Variants in HSD17B11 observed in about 807,000 individuals in gnomAD.
HSD17B11 encodes the protein estradiol 17-beta-dehydrogenase 11.
Under a neutral mutation model 27.8 loss-of-function variants are expected in HSD17B11, and 22 were observed. The observed-to-expected ratio is 0.79, with a 90% CI of 0.56 to 1.13. The LOEUF is 1.13. Among genes scored for constraint, HSD17B11 ranks in the 50% most tolerant of loss-of-function variants. The pLI, the probability that HSD17B11 is intolerant of heterozygous loss-of-function variation, is 0.00. For missense variants in HSD17B11, 314 were observed against 351.1 expected (o/e 0.89, Z 0.84); for synonymous variants, 117 against 132.8 (o/e 0.88, Z 0.82).
At chr4:87,371,979 A>T (rs986360140) in intron 4 of HSD17B11, among the ~76,000 whole-genome samples, 2 of 152,192 alleles carry the variant, frequency 1.3e-5, no homozygotes, top group Non-Finnish European at 2.9e-5. Context: ...GAGGTGGCTT[A>T]CACCTGTAAT....
intron 1 of HSD17B11, among the ~76,000 whole-genome samples, chr4:87,383,149 G>A (rs1720217480): frequency 6.6e-6 from 1 of 152,148 alleles, no homozygotes; most frequent in African/African-American, 2.4e-5. Flanking sequence ...TGACAGATAG[G>A]AGATTGGTCT....
chr4:87,385,356 T>C (rs1450166294), intron 1 of HSD17B11, among the ~76,000 whole-genome samples: 1 of 152,128 alleles, frequency 6.6e-6, no homozygotes, highest in Non-Finnish European at 1.5e-5. Flanking sequence ...TGTACTTATA[T>C]GCAGTACCCA....
Position 87,390,797 on chromosome 4 carries a change from G to A in HSD17B11, c.210+64C>T, listed in dbSNP as rs368136162. 9 of 1,466,894 alleles carry A rather than the reference G, an allele frequency of 6.1e-6. No homozygotes were observed. In the East Asian group the frequency reaches 1.8e-4, roughly 30 times the overall value. The allele number at this position is 1,466,894 out of a possible 1,614,324, so 90.9% of individuals were successfully genotyped here. ...GAGATGAGGTAAAGGGTGGTTGCCA[G>A]CAAAATGCAGACACATCCACAAATT... On this transcript the variant is annotated intron_variant, in intron 1 of 6. Transcript: ENST00000358290.
At position 87,372,691 on chromosome 4, in the gene HSD17B11, A is replaced by C. The variant is rs201766591; in HGVS notation, c.557+18T>G. The C allele has an allele frequency of 6.8e-7, 1 of 1,472,546 alleles. No individual in the cohort carries two copies. Among genetic ancestry groups the C allele is most frequent in the East Asian group, 2.3e-5 (1 of 44,346 alleles). 91.2% of individuals were successfully genotyped at this position (1,472,546 alleles called of 1,614,324 possible). ...AGGTAGGCATAAGAACCAATGAAGG[A>C]AACACATGTTCACATACCAGTAAGC... is the stretch of plus-strand genomic sequence containing the variant. On this transcript the variant is annotated intron_variant, in intron 4 of 6. Transcript: ENST00000358290.
chr4:87,337,358 G>T lies in HSD17B11; in HGVS notation c.821C>A (p.Pro274His), dbSNP rs372106029. ...AFLTTLERIL[P>H]ERFLAVLKRK... ...TTTTAAAACTGCCAGGAAACGCTCA[G>T]GAAGGATCCTAAAAGAAAGATATAT... Residue 274 changes from proline to histidine, a missense_variant, in exon 7 of 7, where the codon CCT becomes CAT. Pro to His is a moderately conservative substitution (Grantham distance 77, BLOSUM62 -2). Transcript: ENST00000358290. The T allele has an allele frequency of 6.4e-7, 1 of 1,566,024 alleles. No individual in the cohort carries two copies. The highest frequency in any genetic ancestry group is 2.2e-5 in the East Asian group (1 of 44,526).
intron 3 of HSD17B11, among the ~76,000 whole-genome samples, chr4:87,373,850 C>T (rs963941520): frequency 6.6e-6 from 1 of 152,148 alleles, no homozygotes; most frequent in Non-Finnish European, 1.5e-5. Flanking sequence ...TTAGTCATCC[C>T]AAACTCACAT....
chr4:87,390,684 G>C (rs1297718068), intron 1 of HSD17B11, among the ~76,000 whole-genome samples, 177 bp downstream of exon 1: 2 of 152,144 alleles, frequency 1.3e-5, no homozygotes, highest in Non-Finnish European at 2.9e-5. Flanking sequence ...CTCTAGGTCT[G>C]TTTATCATGT....
chr4:87,378,948 T>A (rs58286400), intron 2 of HSD17B11, among the ~76,000 whole-genome samples: 793 of 15,230 alleles, frequency 0.052, 38 homozygotes, highest in African/African-American at 0.1. Flanking sequence ...ATATATATAT[T>A]TATATATATA....
At chr4:87,360,792 T>C (rs1358306186) in intron 4 of HSD17B11, among the ~76,000 whole-genome samples, 1 of 152,176 alleles carries the variant, frequency 6.6e-6, no homozygotes, top group African/African-American at 2.4e-5. Flanking sequence ...TCCTTGCAAC[T>C]GAAAGAGTGA....
At chr4:87,343,302 C>A (rs1193768514) in intron 5 of HSD17B11, among the ~76,000 whole-genome samples, 1 of 152,110 alleles carries the variant, frequency 6.6e-6, no homozygotes. Flanking sequence ...TATGTGGAAA[C>A]ATTTTTTTTC....
At chr4:87,358,542 G>A (rs1404199683) in intron 4 of HSD17B11, among the ~76,000 whole-genome samples, 1 of 152,034 alleles carries the variant, frequency 6.6e-6, no homozygotes, top group Non-Finnish European at 1.5e-5. Flanking sequence ...GTCACACAAA[G>A]CATTCACTTA....
intron 5 of HSD17B11, among the ~76,000 whole-genome samples, chr4:87,356,659 T>C (rs143261382): frequency 1.6e-4 from 25 of 152,334 alleles, no homozygotes; most frequent in African/African-American, 5.3e-4. Flanking sequence ...AACAAATAAG[T>C]ATGCATCATG....
chr4:87,378,845 A>AATATATATAAAT (rs1720005446), intron 2 of HSD17B11, among the ~76,000 whole-genome samples: 16 of 18,116 alleles, frequency 8.8e-4, no homozygotes, highest in African/African-American at 4.7e-3. Context: ...TATATATATA[A>AATATATATAAAT]ATATATATAT....
intron 2 of HSD17B11, 39 bp from the exon 3 acceptor site, chr4:87,374,869 G>A (rs370816705): frequency 1.3e-4 from 199 of 1,475,524 alleles, no homozygotes; most frequent in Non-Finnish European, 1.7e-4. Context: ...TTCATTAAGA[G>A]GTATGAGGGT....
intron 2 of HSD17B11, among the ~76,000 whole-genome samples, chr4:87,380,645 C>T (rs1720130717): frequency 6.7e-6 from 1 of 149,216 alleles, no homozygotes; most frequent in East Asian, 2.0e-4. Context: ...ATCACGAGGT[C>T]AGGAGATACA....
At chr4:87,369,091 A>C (rs754432434) in intron 4 of HSD17B11, among the ~76,000 whole-genome samples, 1 of 152,194 alleles carries the variant, frequency 6.6e-6, no homozygotes, top group Non-Finnish European at 1.5e-5. Context: ...ACTCCTTTCC[A>C]TTAACATTTC....
chr4:87,368,341 A>C (rs113645094), intron 4 of HSD17B11, among the ~76,000 whole-genome samples: 89 of 152,134 alleles, frequency 5.9e-4, no homozygotes, highest in African/African-American at 1.9e-3. Context: ...CACACACACA[A>C]AAAACTCAAG....
chr4:87,342,381 CAAAAAAA>C (rs543558458), intron 5 of HSD17B11, among the ~76,000 whole-genome samples: 1 of 74,346 alleles, frequency 1.3e-5, no homozygotes, highest in Non-Finnish European at 3.3e-5. Context: ...AACTTCGCTG[CAAAAAAA>C]AAAAAAAAAA....
chr4:87,371,908 C>T (rs554737960), intron 4 of HSD17B11, among the ~76,000 whole-genome samples: 13 of 152,170 alleles, frequency 8.5e-5, no homozygotes, highest in Admixed American at 7.2e-4. Flanking sequence ...GGTTGCAACC[C>T]TGCATGTTAG....
Sources: gnomAD v4.1 joint callset for allele counts (sites outside exome capture counted in the v4.1 genomes callset) on GRCh38, gnomAD v4.1.1 for gene constraint, MANE v1.5 for transcripts, NCBI Gene and HGNC (gene_info 2026-07-23, HGNC 2026-07-21) for gene names.